SERPINB2: variants seen among roughly 807,000 people sequenced by gnomAD.
SERPINB2 encodes the protein serpin family B member 2.
In SERPINB2, 28 loss-of-function variants were observed where a neutral mutation model predicts 39.4. That is an observed-to-expected ratio of 0.71 (90% confidence interval 0.53 to 0.97). The LOEUF is 0.97. Among genes scored for constraint, SERPINB2 ranks in the 50% least tolerant of loss-of-function variants. The probability of loss-of-function intolerance (pLI) is 0.00; values close to 1 mark genes in which losing one functional copy is unlikely to be tolerated. For synonymous variants in SERPINB2, 209 were observed against 175.1 expected, an observed-to-expected ratio of 1.19 and a Z score of -1.53; for missense variants, 557 against 505.3, an observed-to-expected ratio of 1.10 and a Z score of -0.98.
Position 63,903,034 on chromosome 18 carries a change from G to A in SERPINB2, c.977G>A (p.Ser326Asn), listed in dbSNP as rs754415294. Residue 326 changes from serine (S) to asparagine (N), a missense_variant, in exon 8 of 8, where the codon AGC becomes AAC. Ser to Asn is a conservative substitution (Grantham distance 46). Transcript: ENST00000299502. ...TATGAACTCAGATCCATTCTGAGAA[G>A]CATGGGCATGGAGGACGCCTTCAAC... ...EHYELRSILR[S>N]MGMEDAFNKG... is the part of the protein sequence containing the mutation. 2.5e-6 allele frequency: 4 copies of A among 1,613,874 alleles called. No homozygotes were observed. The Admixed American group carries it at 6.7e-5, about 27-fold the overall frequency.
intron 2 of SERPINB2, among the ~76,000 whole-genome samples, chr18:63,892,968 T>C (rs2049936388): frequency 6.6e-6 from 1 of 152,166 alleles, no homozygotes; most frequent in Admixed American, 6.5e-5. Flanking sequence ...AGTCTCGCCC[T>C]ATCACCCAGG....
Position 63,897,082 on chromosome 18 carries a change from C to T in SERPINB2, c.289-9C>T, listed in dbSNP as rs2049963806. ...GTTATATATAAAGAATTCCTTCTTT[C>T]TTTTCAAGGCACAAGCTGCAGATAA... On this transcript the variant is annotated splice_polypyrimidine_tract_variant and intron_variant, in intron 3 of 7. Transcript: ENST00000299502. The T allele has an allele frequency of 1.9e-6, 3 of 1,609,796 alleles. No homozygotes were observed. Among genetic ancestry groups the T allele is most frequent in the Non-Finnish European group, 2.5e-6 (3 of 1,177,970 alleles).
Position 63,901,800 on chromosome 18 carries a change from T to A in SERPINB2, c.596T>A (p.Val199Glu). The A allele has an allele frequency of 6.2e-7, 1 of 1,600,230 alleles. No individual in the cohort carries two copies. Among genetic ancestry groups the A allele is most frequent in the Non-Finnish European group, 8.5e-7 (1 of 1,176,498 alleles). ...GATGGGGATACCAGGATGGTCCTGG[T>A]GAATGCTGTCTACTTCAAAGGAAAG... ...SVDGDTRMVL[V>E]NAVYFKGKWK... Residue 199 changes from valine to glutamate, a missense_variant, in exon 6 of 8, where the codon GTG (valine) becomes GAG (glutamate). Coordinates refer to ENST00000299502, the MANE Select transcript of SERPINB2 (RefSeq NM_002575.3).
chr18:63,899,247 A>G (rs61561992), intron 5 of SERPINB2, among the ~76,000 whole-genome samples: 43,578 of 152,062 alleles, frequency 0.29, 6,844 homozygotes, highest in East Asian at 0.48. Context: ...CACAAGTCAC[A>G]TTAGTGTTAG....
intron 5 of SERPINB2, among the ~76,000 whole-genome samples, chr18:63,901,379 T>C (rs2049990098): frequency 6.6e-6 from 1 of 152,168 alleles, no homozygotes; most frequent in Admixed American, 6.6e-5. Context: ...ACATGATATA[T>C]TTTGGAAAGG....
At chr18:63,897,347 G>A in intron 4 of SERPINB2, 128 bp downstream of exon 4, 1 of 1,142,930 alleles carries the variant, frequency 8.7e-7, no homozygotes, top group South Asian at 1.6e-5. Context: ...CCCTAGGGCT[G>A]GCCTTGCGTA....
At chr18:63,901,667 T>G (rs2049991827) in intron 5 of SERPINB2, 73 bp from the exon 6 acceptor site, 1 of 1,066,258 alleles carries the variant, frequency 9.4e-7, no homozygotes, top group Non-Finnish European at 1.3e-6. Flanking sequence ...GTTTGATGGC[T>G]ACTCAGAAGA....
At chr18:63,901,961 G>A (rs566581331) in intron 6 of SERPINB2, 79 bp downstream of exon 6, 90 of 1,327,478 alleles carry the variant, frequency 6.8e-5, no homozygotes, top group Non-Finnish European at 8.7e-5. Flanking sequence ...ATTAGAGACC[G>A]CTCATTATAG....
intron 3 of SERPINB2, among the ~76,000 whole-genome samples, chr18:63,896,177 GC>G (rs1320119321): frequency 2.6e-5 from 4 of 152,118 alleles, no homozygotes; most frequent in Non-Finnish European, 5.9e-5. Flanking sequence ...GGAATTATGG[GC>G]TAGAGGAGGT....
chr18:63,891,673 T>G, intron 2 of SERPINB2, 61 bp downstream of exon 2: 1 of 1,516,966 alleles, frequency 6.6e-7, no homozygotes, highest in Non-Finnish European at 9.0e-7. Context: ...ATTGGAGAAC[T>G]GCTCTTGTTT....
In SERPINB2 at chr18:63,901,797, T is replaced by C. The variant is rs2049992719; in HGVS notation, c.593T>C (p.Leu198Pro). 1.3e-6 allele frequency: 2 copies of C among 1,598,562 alleles called. No individual in the cohort carries two copies. The highest frequency in any genetic ancestry group is 1.7e-6 in the Non-Finnish European group (2 of 1,175,988). ...GSVDGDTRMVLVNAVYFKGKW... is the reference protein window; with the variant it reads ...GSVDGDTRMVPVNAVYFKGKW... Reference sequence around the variant, plus strand: ...GTAGATGGGGATACCAGGATGGTCCTGGTGAATGCTGTCTACTTCAAAGGA... The same window carrying C: ...GTAGATGGGGATACCAGGATGGTCCCGGTGAATGCTGTCTACTTCAAAGGA... Residue 198 changes from leucine (L) to proline (P), a missense_variant, in exon 6 of 8, where the codon CTG becomes CCG. Transcript: ENST00000299502.
At chr18:63,895,958 T>A (rs3819335) in intron 3 of SERPINB2, among the ~76,000 whole-genome samples, 55,919 of 152,092 alleles carry the variant, frequency 0.37, 12,952 homozygotes, top group African/African-American at 0.64. Flanking sequence ...CTTATCTATT[T>A]ATCAATCAGC....
At chr18:63,896,681 G>A (rs929302805) in intron 3 of SERPINB2, among the ~76,000 whole-genome samples, 2 of 152,096 alleles carry the variant, frequency 1.3e-5, no homozygotes, top group African/African-American at 2.4e-5. Context: ...CAAGTAAACA[G>A]TTTTATTAAC....
In SERPINB2 at chr18:63,903,409, C is replaced by G. The variant is rs2050007609; in HGVS notation, c.*104C>G. 1 of 1,170,812 alleles carries G rather than the reference C, an allele frequency of 8.5e-7. No homozygotes were observed. Among genetic ancestry groups the G allele is most frequent in the Non-Finnish European group, 1.2e-6 (1 of 866,738 alleles). The allele number at this position is 1,170,812 out of a possible 1,614,324, so 72.5% of individuals were successfully genotyped here. A position where few individuals can be genotyped will look rare whatever the true frequency, so the allele number is the denominator to read the frequency against. ...ATTTAGAGATGTTTTCTACATATTT[C>G]TGCTCTTCTGAACAACTTCTGCTAC... On this transcript the variant is annotated 3_prime_UTR_variant, in exon 8 of 8. Transcript: ENST00000299502.
chr18:63,902,282 G>T, intron 6 of SERPINB2, 122 bp from the exon 7 acceptor site: 1 of 831,650 alleles, frequency 1.2e-6, no homozygotes. Flanking sequence ...AATTTATTTT[G>T]TTGATTTAAA....
At chr18:63,888,084 A>T (rs946746063) in intron 1 of SERPINB2, among the ~76,000 whole-genome samples, 2 of 152,344 alleles carry the variant, frequency 1.3e-5, no homozygotes, top group East Asian at 3.9e-4. Context: ...GTTCTCTACT[A>T]GCTACTGTTT....
chr18:63,888,717 A>T (rs2049907505), intron 1 of SERPINB2, among the ~76,000 whole-genome samples: 1 of 152,218 alleles, frequency 6.6e-6, no homozygotes, highest in Admixed American at 6.5e-5. Context: ...GCAGGAACCA[A>T]CACACACACC....
intron 7 of SERPINB2, 112 bp downstream of exon 7, chr18:63,902,680 C>A: frequency 8.6e-7 from 1 of 1,168,156 alleles, no homozygotes; most frequent in Non-Finnish European, 1.2e-6. Flanking sequence ...ATATATGAAA[C>A]AGTTGATAGT....
Position 63,903,565 on chromosome 18 carries a change from C to T in SERPINB2, c.*260C>T, listed in dbSNP as rs2144709775. On this transcript the variant is annotated 3_prime_UTR_variant, in exon 8 of 8. Coordinates refer to ENST00000299502, the MANE Select transcript of SERPINB2 (RefSeq NM_002575.3). ...CCTTACTATCAGTTTATTTTTATAA[C>T]ATTAACTTTTACTTTGTTATTTATT... The T allele has an allele frequency of 4.0e-6, 1 of 251,474 alleles. No homozygotes were observed. The highest frequency in any genetic ancestry group is 1.7e-4 in the South Asian group (1 of 5,822). 15.6% of individuals were successfully genotyped at this position (251,474 alleles called of 1,614,324 possible).
Sources: gnomAD v4.1 joint callset for allele counts (sites outside exome capture counted in the v4.1 genomes callset) on GRCh38, gnomAD v4.1.1 for gene constraint, MANE v1.5 for transcripts, NCBI Gene and HGNC (gene_info 2026-07-23, HGNC 2026-07-21) for gene names.